TLN2: variants seen among roughly 807,000 people sequenced by gnomAD.
The protein encoded by TLN2 is talin 2, also known as talin-2.
Under a neutral mutation model 294.7 loss-of-function variants are expected in TLN2, and 118 were observed. The ratio of observed to expected loss-of-function variants is 0.40; its 90% CI spans 0.34 to 0.47. The LOEUF is 0.47. TLN2 is among the 20% of genes least tolerant of loss of function. The probability of loss-of-function intolerance (pLI) is 0.84; values close to 1 mark genes in which losing one functional copy is unlikely to be tolerated. For synonymous variants in TLN2, 1,431 were observed against 1,304.5 expected, an observed-to-expected ratio of 1.10 and a Z score of -2.09; for missense variants, 3,083 against 3,282.2, an observed-to-expected ratio of 0.94 and a Z score of 1.48.
intron 31 of TLN2, among the ~76,000 whole-genome samples, chr15:62,740,049 T>TG (rs1373411959): frequency 6.7e-6 from 1 of 149,356 alleles, no homozygotes; most frequent in East Asian, 2.0e-4. Flanking sequence ...TGTTTTTTGT[T>TG]TTTTTTTTTT....
In TLN2 at chr15:62,738,389, T is replaced by G. The variant is rs2061143427; in HGVS notation, c.3687+56T>G. On this transcript the variant is annotated intron_variant, in intron 30 of 58. Transcript: ENST00000636159. ...TGGGGGACTAGGCTCGCGTTAGGTG[T>G]GAGTGAAGTCTTCTTCTCTCCATGA... The G allele has an allele frequency of 1.9e-6, 3 of 1,579,046 alleles. No individual in the cohort carries two copies. The Admixed American group carries it at 5.2e-5, about 27-fold the overall frequency.
At chr15:62,468,472 G>A (rs932189577) in intron 1 of TLN2, among the ~76,000 whole-genome samples, 1 of 152,236 alleles carries the variant, frequency 6.6e-6, no homozygotes, top group Non-Finnish European at 1.5e-5. Flanking sequence ...TCGGCTGGGT[G>A]TGGTGGCTGA....
In TLN2 at chr15:62,683,587, G is replaced by A. The variant is rs189101543; in HGVS notation, c.958-3054G>A. 8.6e-5 allele frequency among the ~76,000 whole-genome samples: 13 copies of A among 151,896 alleles called. No homozygotes were observed. The East Asian group carries it at 2.5e-3, about 30-fold the overall frequency. On this transcript the variant is annotated intron_variant, in intron 11 of 58. Coordinates refer to ENST00000636159, the MANE Select transcript of TLN2 (RefSeq NM_015059.3). ...CCCGCCTCTCATTGGTAGAATGCCT[G>A]CATTCTCCTGCCTCTGAGTTACACA...
chr15:62,838,430 G>GGAGAC (rs2070073409), intron 57 of TLN2, among the ~76,000 whole-genome samples: 2 of 152,286 alleles, frequency 1.3e-5, no homozygotes, highest in Admixed American at 1.3e-4. Context: ...TAGAGCTAAG[G>GGAGAC]GAGACAAGCG....
In TLN2 at chr15:62,707,120, A is replaced by G. The variant is rs139051192; in HGVS notation, c.2039A>G (p.Asn680Ser). ...ATGAGTTTGGCCAAAGCTGTTGCCAATGCAGCTGCCATGTTGGTACTAAAG... is the reference window on the plus strand; with the variant it reads ...ATGAGTTTGGCCAAAGCTGTTGCCAGTGCAGCTGCCATGTTGGTACTAAAG... Reference protein sequence around the residue: ...VLMSLAKAVANAAAMLVLKAK... With the variant: ...VLMSLAKAVASAAAMLVLKAK... The change falls in exon 20 of 59, where the codon AAT becomes AGT. Residue 680 changes from asparagine to serine, a missense_variant. Asn to Ser is a conservative substitution (Grantham distance 46). Transcript: ENST00000636159. 1.2e-4 allele frequency: 196 copies of G among 1,614,090 alleles called. 1 individual carries two copies. The highest frequency in any genetic ancestry group is 2.7e-4 in the South Asian group (25 of 91,038).
intron 50 of TLN2, 85 bp from the exon 51 acceptor site, chr15:62,805,515 C>A: frequency 7.2e-7 from 1 of 1,391,132 alleles, no homozygotes. Flanking sequence ...TTTTCAGACA[C>A]AAGCTACAGC....
intron 1 of TLN2, among the ~76,000 whole-genome samples, chr15:62,526,819 C>T (rs991606698): frequency 1.3e-5 from 2 of 152,140 alleles, no homozygotes; most frequent in South Asian, 2.1e-4. Context: ...TAGATGCCAG[C>T]CCCTGTTCTC....
At chr15:62,459,945 A>G (rs2036699736) in intron 1 of TLN2, among the ~76,000 whole-genome samples, 1 of 152,164 alleles carries the variant, frequency 6.6e-6, no homozygotes, top group Admixed American at 6.5e-5. Context: ...ATTTAAAAGG[A>G]AGAAATTACT....
chr15:62,702,688 A>G (rs1353731289), intron 18 of TLN2, 78 bp from the exon 19 acceptor site: 1 of 1,413,722 alleles, frequency 7.1e-7, no homozygotes, highest in Non-Finnish European at 1.0e-6. Flanking sequence ...GTGAGATTCT[A>G]CTTCCTGTAC....
intron 1 of TLN2, among the ~76,000 whole-genome samples, chr15:62,462,078 T>TA (rs1207353853): frequency 6.6e-6 from 1 of 151,492 alleles, no homozygotes; most frequent in Non-Finnish European, 1.5e-5. Flanking sequence ...AAATACAAAA[T>TA]ACAAAAATTA....
At chr15:62,485,241 A>G (rs2038325496) in intron 1 of TLN2, among the ~76,000 whole-genome samples, 1 of 152,126 alleles carries the variant, frequency 6.6e-6, no homozygotes, top group African/African-American at 2.4e-5. Flanking sequence ...TGCAAAGTCC[A>G]TTTTGCCATG....
At chr15:62,562,951 CACACACACACACACACACA>C (rs2043093951) in intron 1 of TLN2, among the ~76,000 whole-genome samples, 2 of 144,352 alleles carry the variant, frequency 1.4e-5, no homozygotes, top group African/African-American at 5.1e-5. Flanking sequence ...CACACACACA[CACACACACACACACACACA>C]CCAGTTTCTT....
chr15:62,838,848 C>G lies in TLN2; in HGVS notation c.7375-8C>G. 1.9e-6 allele frequency: 3 copies of G among 1,608,422 alleles called. No individual in the cohort carries two copies. The highest frequency in any genetic ancestry group is 2.5e-6 in the Non-Finnish European group (3 of 1,179,714). On this transcript the variant is annotated splice_region_variant and splice_polypyrimidine_tract_variant and intron_variant, in intron 57 of 58. Transcript: ENST00000636159. ...AATGATATAATGTATGTTTTGTTCA[C>G]TCTCCAGGCGGCAGGAAATGCTGTG...
chr15:62,777,963 G>T (rs2063836585), intron 43 of TLN2, among the ~76,000 whole-genome samples: 3 of 152,212 alleles, frequency 2.0e-5, no homozygotes, highest in African/African-American at 7.2e-5. Flanking sequence ...TCCTGTGATA[G>T]CATGCCAAGA....
At chr15:62,721,412 A>G (rs1049910514) in intron 25 of TLN2, among the ~76,000 whole-genome samples, 2 of 152,134 alleles carry the variant, frequency 1.3e-5, no homozygotes, top group Non-Finnish European at 2.9e-5. Flanking sequence ...GATATTCACA[A>G]TGTTAAACAT....
At position 62,797,171 on chromosome 15, in the gene TLN2, T is replaced by C; in HGVS notation, c.6051-48T>C. 3.7e-6 allele frequency: 6 copies of C among 1,604,576 alleles called. No individual in the cohort carries two copies. In the South Asian group the frequency reaches 6.6e-5, roughly 18 times the overall value. ...TCTTTTCTTCTTGAAGTAATCAAGC[T>C]TTGCCCTCTGTCTCTCCCCCTCTCC... is the stretch of plus-strand genomic sequence containing the variant. On this transcript the variant is annotated intron_variant, in intron 47 of 58. Transcript: ENST00000636159.
At position 62,565,205 on chromosome 15, in the gene TLN2, A is replaced by G. The variant is rs551951508; in HGVS notation, c.-237-24482A>G. Among the ~76,000 whole-genome samples, 31 of 152,270 alleles carry G rather than the reference A, an allele frequency of 2.0e-4. No homozygotes were observed. The South Asian group carries it at 6.4e-3, about 32-fold the overall frequency. ...CTTGAGGTAGCCTGTCTTGATTGCT[A>G]TGGTGAATAAAGTTCATAAATACCA... On this transcript the variant is annotated intron_variant, in intron 1 of 58. Transcript: ENST00000636159.
chr15:62,743,459 G>A (rs763555566), intron 32 of TLN2, among the ~76,000 whole-genome samples: 4 of 152,086 alleles, frequency 2.6e-5, no homozygotes, highest in Non-Finnish European at 4.4e-5. Flanking sequence ...TTCTGCTTCC[G>A]AGCCTGGGTA....
chr15:62,404,934 G>A (rs2033298471), intron 1 of TLN2, among the ~76,000 whole-genome samples: 1 of 152,176 alleles, frequency 6.6e-6, no homozygotes, highest in Admixed American at 6.5e-5. Context: ...AGGACGTTTA[G>A]TACACCCAGG....
Sources: gnomAD v4.1 joint callset for allele counts (sites outside exome capture counted in the v4.1 genomes callset) on GRCh38, gnomAD v4.1.1 for gene constraint, MANE v1.5 for transcripts, NCBI Gene and HGNC (gene_info 2026-07-23, HGNC 2026-07-21) for gene names.